The following TUSC3 variants were observed in gnomAD, a reference collection of about 807,000 sequenced individuals.
TUSC3 encodes the protein tumor suppressor candidate 3, also known as dolichyl-diphosphooligosaccharide--protein glycosyltransferase subunit TUSC3.
TUSC3 carries 45 observed loss-of-function variants against 44.8 expected under a neutral mutation model. The observed-to-expected ratio is 1.00, with a 90% confidence interval of 0.79 to 1.29. The LOEUF (loss-of-function observed/expected upper bound fraction) is 1.29, where lower values mean the gene tolerates loss of function less well. TUSC3 is among the 50% of genes most tolerant of loss of function. The probability of loss-of-function intolerance (pLI) is 0.00; values close to 1 mark genes in which losing one functional copy is unlikely to be tolerated. For missense variants in TUSC3, 519 were observed against 437.9 expected, an observed-to-expected ratio of 1.19 and a Z score of -1.65; for synonymous variants, 212 against 152.9, an observed-to-expected ratio of 1.39 and a Z score of -2.85.
intron 2 of TUSC3, among the ~76,000 whole-genome samples, chr8:15,531,866 C>G (rs1029311631): frequency 1.3e-5 from 2 of 152,104 alleles, no homozygotes; most frequent in East Asian, 3.9e-4. Flanking sequence ...CTTGGGGAAA[C>G]TTTGACATTA....
At chr8:15,845,913 C>T in the TUSC3 span, among the ~76,000 whole-genome samples, 2 of 152,100 alleles carry the variant, frequency 1.3e-5, no homozygotes, top group Non-Finnish European at 1.5e-5. Flanking sequence ...TTTAATTGGA[C>T]TTACAGTTCC....
chr8:15,570,364 T>C (rs182423022), intron 1 of TUSC3, among the ~76,000 whole-genome samples: 1 of 151,784 alleles, frequency 6.6e-6, no homozygotes, highest in South Asian at 2.1e-4. Flanking sequence ...TTGCTGGAAA[T>C]TGGTTGAAAG....
intron 2 of TUSC3, among the ~76,000 whole-genome samples, chr8:15,496,808 C>T (rs552276353): frequency 6.6e-5 from 10 of 152,268 alleles, no homozygotes; most frequent in South Asian, 2.1e-4. Context: ...CTCACACTCA[C>T]GATACATCAC....
At chr8:15,556,363 A>G (rs1802265690) in intron 1 of TUSC3, among the ~76,000 whole-genome samples, 1 of 150,716 alleles carries the variant, frequency 6.6e-6, no homozygotes, top group African/African-American at 2.4e-5. Flanking sequence ...ATAGTATTCC[A>G]TGGTGTATAT....
intron 1 of TUSC3, among the ~76,000 whole-genome samples, chr8:15,576,493 G>T: frequency 8.1e-6 from 1 of 122,814 alleles, no homozygotes; most frequent in Non-Finnish European, 1.6e-5. Flanking sequence ...CCCAGAGTGT[G>T]ATATTCCCCT....
intron 2 of TUSC3, among the ~76,000 whole-genome samples, chr8:15,624,135 T>G (rs1805384552): frequency 1.3e-5 from 2 of 152,210 alleles, no homozygotes; most frequent in Admixed American, 6.5e-5. Context: ...TACGTCCAAG[T>G]TGTTATATTT....
intron 1 of TUSC3, among the ~76,000 whole-genome samples, chr8:15,563,767 A>G (rs1284712352): frequency 6.6e-6 from 1 of 151,320 alleles, no homozygotes; most frequent in African/African-American, 2.4e-5. Context: ...TAAAGCTCAT[A>G]GTTCTTAAAT....
intron 1 of TUSC3, among the ~76,000 whole-genome samples, chr8:15,621,829 C>G (rs1805260060): frequency 6.6e-6 from 1 of 150,552 alleles, no homozygotes; most frequent in African/African-American, 2.4e-5. Context: ...CTTTTTCATA[C>G]AGTTAGCATG....
chr8:15,668,577 C>T (rs1223845769), intron 5 of TUSC3, among the ~76,000 whole-genome samples: 1 of 151,736 alleles, frequency 6.6e-6, no homozygotes, highest in African/African-American at 2.4e-5. Flanking sequence ...ATATCAGTAA[C>T]ATACAAATGC....
chr8:15,639,742 C>A (rs1806274228), intron 2 of TUSC3, among the ~76,000 whole-genome samples: 2 of 148,522 alleles, frequency 1.3e-5, no homozygotes, highest in African/African-American at 4.9e-5. Flanking sequence ...TGGTCTCAGA[C>A]CTTAGTCCTC....
chr8:15,563,931 T>C (rs1802573774), intron 1 of TUSC3, among the ~76,000 whole-genome samples: 1 of 152,096 alleles, frequency 6.6e-6, no homozygotes, highest in Admixed American at 6.6e-5. Context: ...CATGAGGATA[T>C]GAACAATTAA....
At chr8:15,847,966 T>G in the TUSC3 span, among the ~76,000 whole-genome samples, 1 of 152,182 alleles carries the variant, frequency 6.6e-6, no homozygotes, top group African/African-American at 2.4e-5. Flanking sequence ...TTGCTGCATA[T>G]AAATCACCAA....
At chr8:15,477,255 A>C (rs1029648978) in intron 1 of TUSC3, among the ~76,000 whole-genome samples, 5 of 152,188 alleles carry the variant, frequency 3.3e-5, no homozygotes, top group African/African-American at 1.2e-4. Context: ...CTATGAGGTT[A>C]AATGGTGTAC....
At chr8:15,665,949 C>T (rs1280917538) in intron 5 of TUSC3, among the ~76,000 whole-genome samples, 1 of 151,328 alleles carries the variant, frequency 6.6e-6, no homozygotes, top group African/African-American at 2.4e-5. Context: ...TCTTCCCTCA[C>T]CCCCTAAACA....
At chr8:15,573,184 C>T (rs1802947975) in intron 1 of TUSC3, among the ~76,000 whole-genome samples, 2 of 89,174 alleles carry the variant, frequency 2.2e-5, no homozygotes, top group South Asian at 3.9e-4. Flanking sequence ...CTCTCTCTCT[C>T]TCTCTCTCTC....
chr8:15,770,025 A>C (rs1445432228), downstream of TUSC3, among the ~76,000 whole-genome samples: 1 of 152,214 alleles, frequency 6.6e-6, no homozygotes, highest in Non-Finnish European at 1.5e-5. Flanking sequence ...AGGTTCTAGA[A>C]TCAGAAATAC....
At chr8:15,692,363 C>T (rs111488351) in intron 6 of TUSC3, among the ~76,000 whole-genome samples, 2 of 125,804 alleles carry the variant, frequency 1.6e-5, no homozygotes, top group African/African-American at 6.2e-5. Flanking sequence ...GGAGACCCCC[C>T]CCCCCCCCTT....
intron 2 of TUSC3, among the ~76,000 whole-genome samples, chr8:15,485,291 C>G (rs1427820301): frequency 6.6e-6 from 1 of 152,108 alleles, no homozygotes; most frequent in Non-Finnish European, 1.5e-5. Context: ...CACCTGTGTT[C>G]TATTAGAATT....
rs544567828 is a variant in TUSC3, at chr8:15,728,735, G to A, written c.799-1931G>A. Reference sequence around the variant, plus strand: ...TAGACATAATTAAAGCCATGAAACTGGATGACAACACCTGGGAAGGCTGAG... The same window carrying A: ...TAGACATAATTAAAGCCATGAAACTAGATGACAACACCTGGGAAGGCTGAG... On this transcript the variant is annotated intron_variant, in intron 6 of 10. Transcript: ENST00000503731. Among the ~76,000 whole-genome samples, 4 of 152,240 alleles carry A rather than the reference G, an allele frequency of 2.6e-5. No homozygotes were observed. In the East Asian group the frequency reaches 5.8e-4, roughly 22 times the overall value.
Sources: allele counts gnomAD v4.1 joint callset (sites outside exome capture counted in the v4.1 genomes callset), GRCh38; gene constraint gnomAD v4.1.1; transcripts MANE v1.5; gene names NCBI Gene and HGNC (gene_info 2026-07-23, HGNC 2026-07-21).